The following DUS2 variants were observed in gnomAD, a reference collection of about 807,000 sequenced individuals.
DUS2 encodes tRNA-dihydrouridine(20) synthase [NAD(P)+]-like.
DUS2 carries 52 observed loss-of-function variants against 71.3 expected under a neutral mutation model. That is an observed-to-expected ratio of 0.73 (90% CI 0.58 to 0.92). DUS2 has a LOEUF of 0.92. DUS2 is among the 40% of genes least tolerant of loss of function. DUS2 has a pLI of 0.00. For missense variants in DUS2, 558 were observed against 622.6 expected, an observed-to-expected ratio of 0.90 and a Z score of 1.10; for synonymous variants, 204 against 227.8, an observed-to-expected ratio of 0.90 and a Z score of 0.94.
At chr16:68,071,203 C>A in intron 12 of DUS2, 95 bp downstream of exon 12, 1 of 1,339,774 alleles carries the variant, frequency 7.5e-7, no homozygotes, top group Non-Finnish European at 1.0e-6. Flanking sequence ...GCCAGCTGTG[C>A]TTGCTGTTCC....
intron 2 of DUS2, among the ~76,000 whole-genome samples, chr16:68,033,634 ATTTTT>A (rs548683357): frequency 8.0e-6 from 1 of 125,356 alleles, no homozygotes; most frequent in Non-Finnish European, 1.7e-5. Context: ...ACAGGTGCTA[ATTTTT>A]TTTTTTTTTT....
rs2034201312 is a variant in DUS2 at position 68,079,054 on chromosome 16, G to A, written c.*68G>A. On this transcript the variant is annotated 3_prime_UTR_variant, in exon 17 of 17. Coordinates refer to ENST00000565263, the MANE Select transcript of DUS2 (RefSeq NM_017803.5). ...AAGGTGGCTGTGGATGCCACAGCAT[G>A]AACCAGATGCCGTTGAACAGTTTGC... 1 of 1,335,554 alleles carries A rather than the reference G, an allele frequency of 7.5e-7. No homozygotes were observed. Among genetic ancestry groups the A allele is most frequent in the Non-Finnish European group, 1.0e-6 (1 of 977,446 alleles). 82.7% of individuals were successfully genotyped at this position (1,335,554 alleles called of 1,614,324 possible).
intron 11 of DUS2, among the ~76,000 whole-genome samples, 163 bp from the exon 12 acceptor site, chr16:68,070,777 T>TG (rs1318313782): frequency 6.6e-6 from 1 of 152,256 alleles, no homozygotes; most frequent in African/African-American, 2.4e-5. Flanking sequence ...AACTTCATAA[T>TG]GGGATATGGA....
At chr16:68,042,661 C>T (rs914053296) in intron 3 of DUS2, among the ~76,000 whole-genome samples, 1 of 151,896 alleles carries the variant, frequency 6.6e-6, no homozygotes, top group African/African-American at 2.4e-5. Flanking sequence ...AGGCTTATGC[C>T]ACCACACCTG....
At chr16:68,072,235 T>C (rs530431638) in intron 12 of DUS2, among the ~76,000 whole-genome samples, 1 of 152,348 alleles carries the variant, frequency 6.6e-6, no homozygotes, top group South Asian at 2.1e-4. Context: ...CTTTGTCCTA[T>C]TTCCTGTTCA....
intron 7 of DUS2, among the ~76,000 whole-genome samples, chr16:68,059,607 G>A (rs917073568): frequency 6.6e-6 from 1 of 152,196 alleles, no homozygotes; most frequent in Non-Finnish European, 1.5e-5. Flanking sequence ...GGCCGAGTCT[G>A]TGGTGGTTTA....
Position 68,066,180 on chromosome 16 carries a change from G to C in DUS2, c.418-137G>C. ...AGCTTATGTGTGTATGTGTGTAACA[G>C]ACACACACATGCATTCACACATATG... is the stretch of plus-strand genomic sequence containing the variant. On this transcript the variant is annotated intron_variant, in intron 8 of 16. Coordinates refer to ENST00000565263, the MANE Select transcript of DUS2 (RefSeq NM_017803.5). The C allele has an allele frequency of 3.7e-6, 3 of 803,264 alleles. No homozygotes were observed. In the South Asian group the frequency reaches 4.4e-5, roughly 12 times the overall value. 49.8% of individuals were successfully genotyped at this position (803,264 alleles called of 1,614,324 possible).
chr16:68,045,344 A>G (rs999537139), intron 3 of DUS2, among the ~76,000 whole-genome samples: 1 of 151,770 alleles, frequency 6.6e-6, no homozygotes, highest in African/African-American at 2.4e-5. Context: ...GGTGGCTCAC[A>G]CCTGTAATCC....
intron 2 of DUS2, 100 bp from the exon 3 acceptor site, chr16:68,037,906 A>G: frequency 1.7e-6 from 2 of 1,198,050 alleles, no homozygotes; most frequent in Non-Finnish European, 1.2e-6. Context: ...AATGAAAACT[A>G]CTGTGTGCTG....
At chr16:68,031,332 T>G (rs2033434995) in intron 2 of DUS2, among the ~76,000 whole-genome samples, 1 of 152,066 alleles carries the variant, frequency 6.6e-6, no homozygotes, top group Non-Finnish European at 1.5e-5. Flanking sequence ...ACCCAGCTAA[T>G]TTTTGTATTT....
intron 3 of DUS2, among the ~76,000 whole-genome samples, chr16:68,038,972 G>T (rs1017191973): frequency 6.6e-5 from 10 of 151,854 alleles, no homozygotes; most frequent in African/African-American, 2.4e-4. Context: ...GCTGAGGCAT[G>T]AGGATTACTT....
intron 14 of DUS2, among the ~76,000 whole-genome samples, chr16:68,075,719 CT>C (rs1443269208): frequency 6.6e-6 from 1 of 152,108 alleles, no homozygotes; most frequent in African/African-American, 2.4e-5. Context: ...CTGAACTCTA[CT>C]TTTTCCCTGA....
chr16:68,025,558 T>C (rs1234179530), intron 2 of DUS2, 64 bp downstream of exon 2: 1 of 152,170 alleles, frequency 6.6e-6, no homozygotes, highest in Non-Finnish European at 1.5e-5. Context: ...AGCTGGTTAA[T>C]ATATAGTTGT....
intron 13 of DUS2, 147 bp downstream of exon 13, chr16:68,074,302 C>A (rs1184202845): frequency 1.8e-6 from 2 of 1,085,072 alleles, no homozygotes; most frequent in East Asian, 5.2e-5. Flanking sequence ...GCTTTGCCTC[C>A]CAGGAGGGGA....
intron 2 of DUS2, among the ~76,000 whole-genome samples, chr16:68,032,877 C>G (rs1250886226): frequency 8.4e-6 from 1 of 119,738 alleles, no homozygotes. Context: ...CCACTGCACT[C>G]CAGCCTGGGC....
At chr16:68,044,408 T>A (rs1300111033) in intron 3 of DUS2, among the ~76,000 whole-genome samples, 1 of 151,106 alleles carries the variant, frequency 6.6e-6, no homozygotes, top group Non-Finnish European at 1.5e-5. Flanking sequence ...TTTTTTTTTT[T>A]TTTTTGAGAT....
chr16:68,050,140 A>G lies in DUS2; in HGVS notation c.172+590A>G, dbSNP rs2033758355. On this transcript the variant is annotated intron_variant, in intron 4 of 16. Transcript: ENST00000565263. ...TCTGATACATACGTATATGCTTGTG[A>G]AATCTTTTTTTTTTTGAGACGGAAT... 2.0e-5 allele frequency among the ~76,000 whole-genome samples: 3 copies of G among 151,796 alleles called. No individual in the cohort carries two copies. In the South Asian group the frequency reaches 6.2e-4, roughly 32 times the overall value.
At position 68,056,398 on chromosome 16, in the gene DUS2, G is replaced by T; in HGVS notation, c.343G>T (p.Gly115Cys). The stretch of plus-strand genomic sequence containing the variant: ...TGTGGCTGGTATTGATGTCAACATG[G>T]GCTGTCCAAAACAATATTCCACCAA... ...NDVAGIDVNM[G>C]CPKQYSTKGG... The change falls in exon 7 of 17, where the codon GGC becomes TGC. Residue 115 changes from glycine to cysteine, a missense_variant. By Grantham distance (159) the Gly-to-Cys change is radical. Transcript: ENST00000565263. The T allele has an allele frequency of 6.2e-7, 1 of 1,613,618 alleles. No homozygotes were observed. Among genetic ancestry groups the T allele is most frequent in the South Asian group, 1.1e-5 (1 of 91,004 alleles).
At chr16:68,031,026 G>A (rs1182578098) in intron 2 of DUS2, among the ~76,000 whole-genome samples, 1 of 152,036 alleles carries the variant, frequency 6.6e-6, no homozygotes, top group Non-Finnish European at 1.5e-5. Flanking sequence ...TTACAGGTGT[G>A]AGCCACCTTG....
Sources: allele counts gnomAD v4.1 joint callset (sites outside exome capture counted in the v4.1 genomes callset), GRCh38; gene constraint gnomAD v4.1.1; transcripts MANE v1.5; gene names NCBI Gene and HGNC (gene_info 2026-07-23, HGNC 2026-07-21).